Variants in MRE11 observed in about 807,000 individuals in gnomAD.
MRE11 encodes MRE11 double strand break repair nuclease, also known as double-strand break repair protein MRE11.
A neutral mutation model predicts 91.7 loss-of-function variants in MRE11; 62 were observed. That is an observed-to-expected ratio of 0.68 (90% CI 0.55 to 0.84). The LOEUF (loss-of-function observed/expected upper bound fraction) is 0.84, where lower values mean the gene tolerates loss of function less well. Ranked by LOEUF, MRE11 falls within the 40% of genes least tolerant of loss-of-function variation. MRE11 has a pLI of 0.00. For missense variants in MRE11, 796 were observed against 852.9 expected, an observed-to-expected ratio of 0.93 and a Z score of 0.83; for synonymous variants, 273 against 271.4, an observed-to-expected ratio of 1.01 and a Z score of -0.06.
intron 13 of MRE11, 137 bp downstream of exon 13, chr11:94,459,271 T>G: frequency 1.1e-6 from 1 of 917,494 alleles, no homozygotes; most frequent in South Asian, 1.5e-5. Flanking sequence ...ACCTTCATTT[T>G]ATCATTTCAA....
intron 8 of MRE11, 88 bp from the exon 9 acceptor site, chr11:94,470,730 T>C: frequency 7.6e-7 from 1 of 1,314,978 alleles, no homozygotes; most frequent in Non-Finnish European, 1.1e-6. Context: ...TCTTAGTTTC[T>C]AAAAATGCTT....
intron 15 of MRE11, among the ~76,000 whole-genome samples, chr11:94,446,387 A>G (rs1294525003): frequency 6.6e-6 from 1 of 152,236 alleles, no homozygotes; most frequent in Non-Finnish European, 1.5e-5. Context: ...AGCCTGGGCA[A>G]CAGAGCAAAG....
intron 7 of MRE11, among the ~76,000 whole-genome samples, chr11:94,473,910 A>G (rs762775197): frequency 1.3e-4 from 20 of 152,190 alleles, no homozygotes; most frequent in Non-Finnish European, 2.2e-4. Context: ...GGCTTCTGTT[A>G]GACAAAGAAG....
At chr11:94,443,974 C>G (rs1365268859) in intron 16 of MRE11, among the ~76,000 whole-genome samples, 1 of 137,018 alleles carries the variant, frequency 7.3e-6, no homozygotes, top group Non-Finnish European at 1.5e-5. Flanking sequence ...GTGGCATGAT[C>G]TCGGCTCACT....
chr11:94,475,568 A>G (rs895668517), intron 7 of MRE11: 2 of 455,584 alleles, frequency 4.4e-6, no homozygotes, highest in East Asian at 6.9e-5. Flanking sequence ...CAGTGATCAG[A>G]TAATAAATCT....
Position 94,429,918 on chromosome 11 carries a change from G to A in MRE11, c.2063C>T (p.Ser688Leu), listed in dbSNP as rs1945417847. ...ACAATATTACTTATTTACCTCACTTGATTCAAAATCAACCCCTTTCGATAC... is the reference window on the plus strand; with the variant it reads ...ACAATATTACTTATTTACCTCACTTAATTCAAAATCAACCCCTTTCGATAC... ...SQVSKGVDFESSEDDDDDPFM... is the reference protein window; with the variant it reads ...SQVSKGVDFELSEDDDDDPFM... Residue 688 changes from serine to leucine, a missense_variant, in exon 19 of 20, where the codon TCA (serine) becomes TTA (leucine). Coordinates refer to ENST00000323929, the MANE Select transcript of MRE11 (RefSeq NM_005591.4). 6.2e-7 allele frequency: 1 copy of A among 1,612,624 alleles called. No homozygotes were observed. Among genetic ancestry groups the A allele is most frequent in the African/African-American group, 1.3e-5 (1 of 74,858 alleles).
At chr11:94,511,139 C>T in the MRE11 span, among the ~76,000 whole-genome samples, 69 of 152,240 alleles carry the variant, frequency 4.5e-4, no homozygotes, top group African/African-American at 1.4e-3. Flanking sequence ...AAAAAAGGAA[C>T]GCAACCTTTC....
At chr11:94,431,288 A>C (rs1041528581) in intron 18 of MRE11, among the ~76,000 whole-genome samples, 3 of 152,224 alleles carry the variant, frequency 2.0e-5, no homozygotes, top group Non-Finnish European at 4.4e-5. Flanking sequence ...CAGAGGTAGC[A>C]GATTAGCACA....
At chr11:94,422,340 T>C (rs375072566) in intron 19 of MRE11, among the ~76,000 whole-genome samples, 5 of 152,290 alleles carry the variant, frequency 3.3e-5, no homozygotes, top group African/African-American at 7.2e-5. Context: ...TGGAGTTTTT[T>C]CCAGACATCC....
chr11:94,433,739 A>T (rs1945525754), intron 18 of MRE11, among the ~76,000 whole-genome samples: 1 of 152,158 alleles, frequency 6.6e-6, no homozygotes, highest in Non-Finnish European at 1.5e-5. Flanking sequence ...CCAGCTATGT[A>T]GAAATTTGAG....
intron 7 of MRE11, chr11:94,475,645 A>C (rs1378198087): frequency 2.2e-6 from 1 of 455,754 alleles, no homozygotes; most frequent in Non-Finnish European, 4.4e-6. Flanking sequence ...ATTTCTTAAA[A>C]CTACTAACAA....
chr11:94,463,298 T>A (rs921623443), intron 11 of MRE11, among the ~76,000 whole-genome samples: 50 of 152,124 alleles, frequency 3.3e-4, no homozygotes, highest in Non-Finnish European at 6.5e-4. Context: ...CTGGAGAGGA[T>A]GTGGAGAAAT....
chr11:94,437,686 GA>G (rs1945658645), intron 16 of MRE11, among the ~76,000 whole-genome samples: 1 of 152,134 alleles, frequency 6.6e-6, no homozygotes. Context: ...CAATATCTAA[GA>G]AATATTCCAG....
chr11:94,509,447 C>CT, the MRE11 span, among the ~76,000 whole-genome samples: 1 of 151,628 alleles, frequency 6.6e-6, no homozygotes, highest in Non-Finnish European at 1.5e-5. Flanking sequence ...TTTGAATTTT[C>CT]TTTTTTTTCT....
In MRE11 at chr11:94,420,114, C is replaced by T. The variant is rs1185916288; in HGVS notation, c.*11G>A. On this transcript the variant is annotated 3_prime_UTR_variant, in exon 20 of 20. Coordinates refer to ENST00000323929, the MANE Select transcript of MRE11 (RefSeq NM_005591.4). ...CTGTATCTTGCATGTTTCTCAGTGC[C>T]ATTAAATATATTATCTTCTATTTCT... The T allele has an allele frequency of 1.3e-6, 2 of 1,548,686 alleles. No individual in the cohort carries two copies. The highest frequency in any genetic ancestry group is 1.8e-6 in the Non-Finnish European group (2 of 1,125,344).
chr11:94,481,384 T>A (rs1181541864), intron 4 of MRE11, among the ~76,000 whole-genome samples: 1 of 152,260 alleles, frequency 6.6e-6, no homozygotes, highest in Non-Finnish European at 1.5e-5. Flanking sequence ...TATTTATTAC[T>A]AACTCATGAA....
At chr11:94,445,106 T>C (rs1397970560) in intron 16 of MRE11, among the ~76,000 whole-genome samples, 1 of 152,138 alleles carries the variant, frequency 6.6e-6, no homozygotes, top group African/African-American at 2.4e-5. Context: ...CTCTTAAATA[T>C]AGGTCACATG....
At chr11:94,456,621 A>G (rs1341293278) in intron 13 of MRE11, among the ~76,000 whole-genome samples, 1 of 152,180 alleles carries the variant, frequency 6.6e-6, no homozygotes, top group Non-Finnish European at 1.5e-5. Flanking sequence ...AAATTCTAAT[A>G]CCCTATGGGT....
upstream of MRE11, chr11:94,493,976 A>C (rs1218558860): frequency 6.6e-6 from 1 of 152,324 alleles, no homozygotes; most frequent in Non-Finnish European, 1.5e-5. Context: ...GCCAATCCTG[A>C]GCAGGCTAGG....
Sources: gnomAD v4.1 joint callset for allele counts (sites outside exome capture counted in the v4.1 genomes callset) on GRCh38, gnomAD v4.1.1 for gene constraint, MANE v1.5 for transcripts, NCBI Gene and HGNC (gene_info 2026-07-23, HGNC 2026-07-21) for gene names.